Variants in SLC25A24 observed in about 807,000 individuals in gnomAD.
SLC25A24 encodes solute carrier family 25 member 24, also known as mitochondrial adenyl nucleotide antiporter SLC25A24.
Under a neutral mutation model 60.7 loss-of-function variants are expected in SLC25A24, and 49 were observed. The observed-to-expected ratio is 0.81, with a 90% CI of 0.64 to 1.02. The LOEUF is 1.02. Among genes scored for constraint, SLC25A24 ranks in the 50% least tolerant of loss-of-function variants. The probability of loss-of-function intolerance (pLI) is 0.00; values close to 1 mark genes in which losing one functional copy is unlikely to be tolerated. For missense variants in SLC25A24, 564 were observed against 586.3 expected, an observed-to-expected ratio of 0.96 and a Z score of 0.39; for synonymous variants, 202 against 200.6, an observed-to-expected ratio of 1.01 and a Z score of -0.06.
chr1:108,153,116 T>C (rs1571284653), intron 6 of SLC25A24, among the ~76,000 whole-genome samples: 1 of 152,042 alleles, frequency 6.6e-6, no homozygotes. Context: ...GAGGAAGATG[T>C]TGGAGTGGAA....
intron 3 of SLC25A24, among the ~76,000 whole-genome samples, chr1:108,175,573 G>A (rs1647644976): frequency 6.6e-6 from 1 of 152,130 alleles, no homozygotes; most frequent in Non-Finnish European, 1.5e-5. Context: ...TACAATGCCT[G>A]TAGTCCCAGG....
At position 108,200,159 on chromosome 1, in the gene SLC25A24, C is replaced by T. The variant is rs755622638; in HGVS notation, c.-21G>A. On this transcript the variant is annotated 5_prime_UTR_variant, in exon 1 of 10. Coordinates refer to ENST00000565488, the MANE Select transcript of SLC25A24 (RefSeq NM_013386.5). ...AACATGGTCCCAGAGGCGCAGGCGG[C>T]CTGGCCGAGGAAGTCACGGGAGATC... 65 of 1,536,486 alleles carry T rather than the reference C, an allele frequency of 4.2e-5. No individual in the cohort carries two copies. Among genetic ancestry groups the T allele is most frequent in the Non-Finnish European group, 4.8e-5 (55 of 1,144,534 alleles).
In SLC25A24 at chr1:108,155,340, A is replaced by G. The variant is rs1210871660; in HGVS notation, c.670-205T>C. On this transcript the variant is annotated intron_variant, in intron 5 of 9. Transcript: ENST00000565488. ...GAGGCCTGTCTCTGACTCTAAAACT[A>G]AGAATAATTGGTATCTTCAGTGTGA... Among the ~76,000 whole-genome samples the G allele has an allele frequency of 2.0e-5, 3 of 152,154 alleles. No homozygotes were observed. The South Asian group carries it at 6.2e-4, about 32-fold the overall frequency.
intron 8 of SLC25A24, among the ~76,000 whole-genome samples, chr1:108,141,257 A>C (rs1172447848): frequency 6.6e-6 from 1 of 152,196 alleles, no homozygotes; most frequent in East Asian, 1.9e-4. Flanking sequence ...CTTCATATGG[A>C]CCTAATATTA....
chr1:108,153,024 T>C (rs531474250), intron 6 of SLC25A24, among the ~76,000 whole-genome samples: 1 of 152,236 alleles, frequency 6.6e-6, no homozygotes, highest in Admixed American at 6.5e-5. Flanking sequence ...GTGGCCATAT[T>C]GAGTGGGAGG....
intron 1 of SLC25A24, among the ~76,000 whole-genome samples, chr1:108,186,945 C>T (rs757871545): frequency 3.9e-4 from 59 of 152,058 alleles, no homozygotes; most frequent in African/African-American, 7.5e-4. Flanking sequence ...GGCATGGTGG[C>T]GCATGCCTGT....
chr1:108,178,418 A>G (rs1049764001), intron 3 of SLC25A24, among the ~76,000 whole-genome samples: 1 of 152,252 alleles, frequency 6.6e-6, no homozygotes, highest in African/African-American at 2.4e-5. Flanking sequence ...TGCACATGGA[A>G]CATGCACCAG....
In SLC25A24 at chr1:108,136,501, C is replaced by A; in HGVS notation, c.*152G>T. 1 of 618,468 alleles carries A rather than the reference C, an allele frequency of 1.6e-6. No individual in the cohort carries two copies. 38.3% of individuals were successfully genotyped at this position (618,468 alleles called of 1,614,324 possible). ...CATTTCTGTGTACATATAATTTAGCCCAAAAGTTTGAAGTGACCATTGTTA... is the reference window on the plus strand; with the variant it reads ...CATTTCTGTGTACATATAATTTAGCACAAAAGTTTGAAGTGACCATTGTTA... On this transcript the variant is annotated 3_prime_UTR_variant, in exon 10 of 10. Transcript: ENST00000565488.
chr1:108,173,664 G>A (rs1647562685), intron 3 of SLC25A24, among the ~76,000 whole-genome samples: 1 of 152,204 alleles, frequency 6.6e-6, no homozygotes, highest in Non-Finnish European at 1.5e-5. Context: ...TTCAGAAGAA[G>A]ACTGGGAAAG....
intron 3 of SLC25A24, among the ~76,000 whole-genome samples, chr1:108,181,454 C>T (rs975447826): frequency 1.4e-4 from 21 of 152,162 alleles, no homozygotes; most frequent in Non-Finnish European, 2.9e-5. Flanking sequence ...AAACTGATTG[C>T]CCCAGACAAT....
intron 8 of SLC25A24, among the ~76,000 whole-genome samples, chr1:108,141,252 TA>T: frequency 1.3e-5 from 2 of 152,260 alleles, no homozygotes; most frequent in South Asian, 4.1e-4. Flanking sequence ...TATAACTTCA[TA>T]TGGACCTAAT....
At chr1:108,154,470 T>C (rs911488868) in intron 6 of SLC25A24, among the ~76,000 whole-genome samples, 19 of 152,328 alleles carry the variant, frequency 1.2e-4, no homozygotes, top group East Asian at 7.7e-4. Context: ...TGTTCATTCA[T>C]TGACTCATTC....
At chr1:108,161,528 A>C (rs977779947) in intron 3 of SLC25A24, among the ~76,000 whole-genome samples, 1 of 152,232 alleles carries the variant, frequency 6.6e-6, no homozygotes, top group African/African-American at 2.4e-5. Context: ...AGCTCACTAA[A>C]GAATACTTTC....
intron 3 of SLC25A24, among the ~76,000 whole-genome samples, chr1:108,170,704 G>C (rs1020722920): frequency 3.3e-5 from 5 of 151,768 alleles, no homozygotes; most frequent in African/African-American, 1.2e-4. Flanking sequence ...ATTATTAATA[G>C]ATTATTAATA....
chr1:108,176,033 G>A (rs565527390), intron 3 of SLC25A24, among the ~76,000 whole-genome samples: 218 of 152,012 alleles, frequency 1.4e-3, no homozygotes, highest in Non-Finnish European at 2.1e-3. Flanking sequence ...AAGTACCAGC[G>A]ACCATCCCTA....
At chr1:108,182,106 C>A in intron 2 of SLC25A24, 78 bp from the exon 3 acceptor site, 1 of 1,002,528 alleles carries the variant, frequency 1.0e-6, no homozygotes, top group South Asian at 1.4e-5. Flanking sequence ...TCAAATCTCT[C>A]ATTTAAGAGA....
chr1:108,182,319 T>G (rs1307509064), intron 2 of SLC25A24, among the ~76,000 whole-genome samples: 8 of 152,218 alleles, frequency 5.3e-5, no homozygotes, highest in Non-Finnish European at 1.2e-4. Flanking sequence ...CCTTACCAAG[T>G]AATGTAATTA....
intron 6 of SLC25A24, among the ~76,000 whole-genome samples, chr1:108,152,507 C>A (rs12044007): frequency 1.4e-4 from 22 of 152,150 alleles, no homozygotes; most frequent in Non-Finnish European, 2.8e-4. Context: ...CAGGCACACA[C>A]CCCCACGCCC....
chr1:108,145,805 G>A (rs1679574541), intron 7 of SLC25A24, among the ~76,000 whole-genome samples: 1 of 152,134 alleles, frequency 6.6e-6, no homozygotes, highest in African/African-American at 2.4e-5. Flanking sequence ...GGTTACTGTA[G>A]CCTTGTAGTA....
Sources: allele counts gnomAD v4.1 joint callset (sites outside exome capture counted in the v4.1 genomes callset), GRCh38; gene constraint gnomAD v4.1.1; transcripts MANE v1.5; gene names NCBI Gene and HGNC (gene_info 2026-07-23, HGNC 2026-07-21).